ZNF648: variants seen among roughly 807,000 people sequenced by gnomAD.
The protein encoded by ZNF648 is zinc finger protein 648.
A neutral mutation model predicts 0.3 loss-of-function variants in ZNF648; 1 was observed. That is an observed-to-expected ratio of 3.90 (90% CI 1.39 to 18.51). The LOEUF (loss-of-function observed/expected upper bound fraction) is 18.51. ZNF648 is among the 30% of genes most tolerant of loss of function. The probability of loss-of-function intolerance (pLI) is 0.11; values close to 1 mark genes in which losing one functional copy is unlikely to be tolerated. For missense variants in ZNF648, 874 were observed against 769.7 expected, an observed-to-expected ratio of 1.14 and a Z score of -1.60; for synonymous variants, 376 against 326.8, an observed-to-expected ratio of 1.15 and a Z score of -1.62.
upstream of ZNF648, among the ~76,000 whole-genome samples, chr1:182,066,220 A>G (rs963537919): frequency 6.6e-6 from 1 of 152,226 alleles, no homozygotes; most frequent in Non-Finnish European, 1.5e-5. Context: ...GAGTAACACA[A>G]GGCATCTGGG....
chr1:182,056,067 G>T lies in ZNF648; in HGVS notation c.*237C>A, dbSNP rs1053828617. The T allele has an allele frequency of 3.6e-6, 2 of 554,988 alleles. No individual in the cohort carries two copies. The highest frequency in any genetic ancestry group is 6.3e-6 in the Non-Finnish European group (2 of 318,734). The allele number at this position is 554,988 out of a possible 1,614,324, so 34.4% of individuals were successfully genotyped here. On this transcript the variant is annotated 3_prime_UTR_variant, in exon 2 of 2. Transcript: ENST00000339948. Reference sequence around the variant, plus strand: ...ACGTTTGATCAGCTCCCACTACTTTGTCTTTCCCTTTTCCAATTGCTTATG... The same window carrying T: ...ACGTTTGATCAGCTCCCACTACTTTTTCTTTCCCTTTTCCAATTGCTTATG...
At chr1:182,067,388 G>A in the ZNF648 span, among the ~76,000 whole-genome samples, 2 of 152,188 alleles carry the variant, frequency 1.3e-5, no homozygotes, top group African/African-American at 4.8e-5. Flanking sequence ...AGCTTACAGA[G>A]TTGTTGTGGG....
upstream of ZNF648, chr1:182,062,729 T>A (rs192587807): frequency 6.6e-6 from 1 of 152,362 alleles, no homozygotes; most frequent in African/African-American, 2.4e-5. Context: ...CCGGGATACA[T>A]GTGCAGGATA....
the ZNF648 span, chr1:182,068,416 T>C: frequency 6.6e-6 from 1 of 152,366 alleles, no homozygotes; most frequent in Non-Finnish European, 1.5e-5. Flanking sequence ...CAACCAACAT[T>C]CTTTTTTAGA....
upstream of ZNF648, chr1:182,063,818 A>C (rs1265639629): frequency 1.3e-5 from 2 of 152,122 alleles, no homozygotes; most frequent in African/African-American, 4.8e-5. Flanking sequence ...ATTTTCTTCT[A>C]GGGTTTTTAT....
In ZNF648 at chr1:182,056,968, G is replaced by C. The variant is rs745844726; in HGVS notation, c.1043C>G (p.Ser348Trp). Residue 348 changes from serine (S) to tryptophan (W), a missense_variant, in exon 2 of 2, where the codon TCG becomes TGG. Ser to Trp is a radical substitution (Grantham distance 177). Transcript: ENST00000339948. ...PDCGKAFVRS[S>W]DLRKHQRNMH... is the part of the protein sequence containing the mutation. ...GTTGCGCTGGTGTTTGCGCAGGTCC[G>C]AAGAGCGCACGAAGGCCTTCCCGCA... 1.9e-6 allele frequency: 3 copies of C among 1,613,566 alleles called. No individual in the cohort carries two copies. Among genetic ancestry groups the C allele is most frequent in the South Asian group, 2.2e-5 (2 of 91,056 alleles).
Position 182,056,711 on chromosome 1 carries a change from T to G in ZNF648, c.1300A>C (p.Asn434His). 6.3e-7 allele frequency: 1 copy of G among 1,593,672 alleles called. No individual in the cohort carries two copies. Among genetic ancestry groups the G allele is most frequent in the Non-Finnish European group, 8.5e-7 (1 of 1,170,146 alleles). ...TGCAGCGTCTGGTGCTCGGACAGATTGGAGGACTTGGTGAAGCACTTGCCG... is the reference window on the plus strand; with the variant it reads ...TGCAGCGTCTGGTGCTCGGACAGATGGGAGGACTTGGTGAAGCACTTGCCG... ...TCGKCFTKSS[N>H]LSEHQTLHTG... is the part of the protein sequence containing the mutation. Residue 434 changes from asparagine (N) to histidine (H), a missense_variant, in exon 2 of 2, where the codon AAT (asparagine) becomes CAT (histidine). By Grantham distance (68) the Asn-to-His change is moderately conservative (BLOSUM62 1). Transcript: ENST00000339948.
intron 1 of ZNF648, 58 bp from the exon 2 acceptor site, chr1:182,058,131 G>A: frequency 8.0e-7 from 1 of 1,247,204 alleles, no homozygotes; most frequent in Admixed American, 2.7e-5. Flanking sequence ...TCACTTTCAT[G>A]AGCAGAGGGA....
upstream of ZNF648, among the ~76,000 whole-genome samples, chr1:182,065,535 C>T (rs149298148): frequency 7.5e-3 from 1,138 of 152,286 alleles, 6 homozygotes; most frequent in Non-Finnish European, 0.012. Flanking sequence ...AAATTGTCCA[C>T]GTGAGTCCTC....
At chr1:182,068,722 A>G in the ZNF648 span, among the ~76,000 whole-genome samples, 24 of 152,048 alleles carry the variant, frequency 1.6e-4, 1 homozygote, top group East Asian at 4.7e-3. Flanking sequence ...CAGGAGTTCG[A>G]GACCAGCCTC....
intron 1 of ZNF648, 108 bp from the exon 2 acceptor site, chr1:182,058,181 A>C: frequency 6.7e-6 from 5 of 749,812 alleles, no homozygotes; most frequent in East Asian, 2.8e-5. Context: ...ACTGGTCTCC[A>C]TGTCAGGCAT....
Position 182,056,866 on chromosome 1 carries a change from T to G in ZNF648, c.1145A>C (p.His382Pro), listed in dbSNP as rs1162633048. The change falls in exon 2 of 2, where the codon CAC becomes CCC. Residue 382 changes from histidine to proline, a missense_variant. Physicochemically the swap from His to Pro is moderately conservative, Grantham distance 77. Transcript: ENST00000339948. The stretch of plus-strand genomic sequence containing the variant: ...CTTGGCGCCCAGGTGCGTGCGCTGG[T>G]GGCGCAGCAGCGACAGCGGCTTGTT... ...TFNKPLSLLR[H>P]QRTHLGAKPF... 1 of 1,568,558 alleles carries G rather than the reference T, an allele frequency of 6.4e-7. No individual in the cohort carries two copies.
At chr1:182,065,180 CA>C (rs1249942177), upstream of ZNF648, among the ~76,000 whole-genome samples, 1 of 152,178 alleles carries the variant, frequency 6.6e-6, no homozygotes, top group South Asian at 2.1e-4. Flanking sequence ...GCCAAGGTAT[CA>C]GAGTCTGCAC....
In ZNF648 at chr1:182,056,221, G is replaced by C; in HGVS notation, c.*83C>G. 1 of 1,508,718 alleles carries C rather than the reference G, an allele frequency of 6.6e-7. No individual in the cohort carries two copies. The highest frequency in any genetic ancestry group is 8.9e-7 in the Non-Finnish European group (1 of 1,127,954). The allele number at this position is 1,508,718 out of a possible 1,614,324, so 93.5% of individuals were successfully genotyped here. On this transcript the variant is annotated 3_prime_UTR_variant, in exon 2 of 2. Coordinates refer to ENST00000339948, the MANE Select transcript of ZNF648 (RefSeq NM_001009992.1). ...GATGACCCGCGACCTGCTGGGAGGC[G>C]AGGCTGACCAGTGAGGCTGGCAATA...
Position 182,054,848 on chromosome 1 carries a change from ACTATCTAGCTAT to A in ZNF648, c.*1444_*1455del, listed in dbSNP as rs540630364. The A allele has an allele frequency of 7.7e-4, 117 of 152,346 alleles. No individual in the cohort carries two copies. Among genetic ancestry groups the A allele is most frequent in the African/African-American group, 2.7e-3 (114 of 41,570 alleles). 9.4% of individuals were successfully genotyped at this position (152,346 alleles called of 1,614,324 possible). A position where few individuals can be genotyped will look rare whatever the true frequency, so the allele number is the denominator to read the frequency against. On this transcript the variant is annotated 3_prime_UTR_variant, in exon 2 of 2. Transcript: ENST00000339948. ...TTACCTTGGTCAAACAAGACACAAG[ACTATCTAGCTAT>A]CTAGCTATCTAGCTATCTCTCTTAC...
At chr1:182,069,327 CAG>C in the ZNF648 span, 4 of 152,284 alleles carry the variant, frequency 2.6e-5, no homozygotes, top group African/African-American at 4.8e-5. Context: ...TGCCTGAACA[CAG>C]AGGTAATTCA....
chr1:182,061,387 C>T (rs1374407662), intron 1 of ZNF648, among the ~76,000 whole-genome samples, 181 bp downstream of exon 1: 1 of 152,230 alleles, frequency 6.6e-6, no homozygotes, highest in Non-Finnish European at 1.5e-5. Flanking sequence ...CATCCATCAA[C>T]ACTCTGCAGA....
Position 182,057,941 on chromosome 1 carries a change from G to A in ZNF648, c.70C>T (p.His24Tyr). The change falls in exon 2 of 2, where the codon CAT becomes TAT. Residue 24 changes from histidine (H) to tyrosine (Y), a missense_variant. His to Tyr is a moderately conservative substitution (Grantham distance 83). Coordinates refer to ENST00000339948, the MANE Select transcript of ZNF648 (RefSeq NM_001009992.1). ...TTCATGCTCAGCATCTGGGTGTCAT[G>A]AGCTTCCTCAGTCAAGCTGCTGAGA... The part of the protein sequence containing the change: ...SPLSSLTEEA[H>Y]DTQMLSMNLE... 3.7e-6 allele frequency: 6 copies of A among 1,614,046 alleles called. No homozygotes were observed. Among genetic ancestry groups the A allele is most frequent in the East Asian group, 2.2e-5 (1 of 44,846 alleles).
At chr1:182,059,319 C>T (rs1159821439) in intron 1 of ZNF648, among the ~76,000 whole-genome samples, 4 of 152,248 alleles carry the variant, frequency 2.6e-5, no homozygotes, top group East Asian at 1.9e-4. Context: ...TATTTTCAAA[C>T]TTATTTTATT....
Sources: allele counts gnomAD v4.1 joint callset (sites outside exome capture counted in the v4.1 genomes callset), GRCh38; gene constraint gnomAD v4.1.1; transcripts MANE v1.5; gene names NCBI Gene and HGNC (gene_info 2026-07-23, HGNC 2026-07-21).